Variants in EBF4 observed in about 807,000 individuals in gnomAD.
The protein encoded by EBF4 is EBF transcription factor 4.
In EBF4, 34 loss-of-function variants were observed where a neutral mutation model predicts 67.1. The observed-to-expected ratio is 0.51, with a 90% CI of 0.39 to 0.67. The LOEUF (loss-of-function observed/expected upper bound fraction) is 0.67. Ranked by LOEUF, EBF4 falls within the 30% of genes least tolerant of loss-of-function variation. The probability of loss-of-function intolerance (pLI) is 0.00; values close to 1 mark genes in which losing one functional copy is unlikely to be tolerated. For synonymous variants in EBF4, 387 were observed against 377.7 expected (o/e 1.02, Z -0.29); for missense variants, 837 against 873.3 (o/e 0.96, Z 0.52).
At chr20:2,748,471 G>C in intron 6 of EBF4, 78 bp from the exon 7 acceptor site, 4 of 1,362,146 alleles carry the variant, frequency 2.9e-6, no homozygotes, top group Non-Finnish European at 4.1e-6. Context: ...TGGGGAGGGG[G>C]CATGGCAGGG....
chr20:2,698,866 A>G (rs1458232170), intron 1 of EBF4, among the ~76,000 whole-genome samples: 3 of 152,024 alleles, frequency 2.0e-5, no homozygotes, highest in Admixed American at 6.5e-5. Context: ...TTTGGTGGGG[A>G]GAAGGGAAGG....
rs80323190 is a variant in EBF4 at position 2,707,787 on chromosome 20, C to T, written c.415-160C>T. ...GGTCCGGTTTGGGAGGAGGGGTTAT[C>T]CCCCGCCTGGGCAGCCCAGAGCAAG... On this transcript the variant is annotated intron_variant, in intron 4 of 16. Transcript: ENST00000609451. This position sits in a 1 kb window ranked among gnomAD's most constrained non-coding sequence, Gnocchi z 4.6. Among the ~76,000 whole-genome samples, 293 of 152,256 alleles carry T rather than the reference C, an allele frequency of 1.9e-3. No homozygotes were observed. Among genetic ancestry groups the T allele is most frequent in the Middle Eastern group, 6.8e-3 (2 of 294 alleles).
At chr20:2,718,976 T>C (rs1368125156) in intron 6 of EBF4, among the ~76,000 whole-genome samples, 2 of 152,260 alleles carry the variant, frequency 1.3e-5, no homozygotes, top group Non-Finnish European at 2.9e-5. Context: ...TTTTCATTTT[T>C]ATTCAGTTTA....
exon 3 of EBF4, chr20:2,705,985 G>C (rs188438092): frequency 1.3e-6 from 2 of 1,551,476 alleles, no homozygotes; most frequent in Admixed American, 3.9e-5. Flanking sequence ...AGCCCGGGGC[G>C]GAAAAGACTA....
intron 6 of EBF4, among the ~76,000 whole-genome samples, chr20:2,737,370 T>C (rs141446059): frequency 1.3e-5 from 2 of 152,062 alleles, no homozygotes; most frequent in East Asian, 1.9e-4. Flanking sequence ...CGCCTGCAAC[T>C]TGAATAATAA....
intron 6 of EBF4, among the ~76,000 whole-genome samples, chr20:2,737,587 C>T (rs1332369189): frequency 6.6e-6 from 1 of 152,054 alleles, no homozygotes; most frequent in Non-Finnish European, 1.5e-5. Context: ...GTGCCCAGCA[C>T]AGTGACTGCC....
intron 1 of EBF4, among the ~76,000 whole-genome samples, chr20:2,703,350 C>A (rs564478168): frequency 6.6e-6 from 1 of 151,508 alleles, no homozygotes; most frequent in South Asian, 2.1e-4. Flanking sequence ...GCAGGAGGAT[C>A]GCTTAAGTCT....
chr20:2,714,034 A>G (rs895174623), intron 6 of EBF4, among the ~76,000 whole-genome samples: 5 of 152,242 alleles, frequency 3.3e-5, no homozygotes, highest in African/African-American at 9.6e-5. Context: ...ATAATGATCC[A>G]GGAGTAAAGC....
rs1343009963 is a variant in EBF4 at position 2,750,026 on chromosome 20, C to T, written c.1018+53C>T. The T allele has an allele frequency of 1.3e-5, 19 of 1,502,384 alleles. No individual in the cohort carries two copies. The East Asian group carries it at 2.0e-4, about 16-fold the overall frequency. 93.1% of individuals were successfully genotyped at this position (1,502,384 alleles called of 1,614,324 possible). On this transcript the variant is annotated intron_variant, in intron 10 of 16. Coordinates refer to ENST00000609451, the Ensembl canonical transcript of EBF4. ...TCTAAGGTGCGCGGAGGGAGCCCCA[C>T]CCTGCGCACTGGTCTCCGTTCTTGG...
exon 13 of EBF4, chr20:2,752,211 C>T: frequency 7.1e-7 from 1 of 1,403,288 alleles, no homozygotes; most frequent in South Asian, 1.5e-5. Context: ...TCAACGCCTT[C>T]AGCAGCCCGC....
chr20:2,711,129 C>A (rs927010477), intron 6 of EBF4, among the ~76,000 whole-genome samples: 10 of 148,936 alleles, frequency 6.7e-5, no homozygotes, highest in Admixed American at 2.7e-4. Flanking sequence ...GTCTGGGCAA[C>A]AGAGTGAGAC....
intron 6 of EBF4, among the ~76,000 whole-genome samples, chr20:2,737,210 A>T (rs536999457): frequency 6.7e-6 from 1 of 148,290 alleles, no homozygotes; most frequent in East Asian, 2.0e-4. Flanking sequence ...AGATCGCGCC[A>T]CTGCACTCCA....
At chr20:2,697,552 A>AAAG (rs1555784816) in intron 1 of EBF4, among the ~76,000 whole-genome samples, 44 of 147,110 alleles carry the variant, frequency 3.0e-4, no homozygotes, top group Admixed American at 4.0e-4. Context: ...CTCAAAAAAA[A>AAAG]AAAGAAAGAA....
chr20:2,749,810 G>A (rs2088112603), intron 9 of EBF4, 37 bp from the exon 10 acceptor site: 9 of 1,541,882 alleles, frequency 5.8e-6, no homozygotes, highest in Non-Finnish European at 7.9e-6. Flanking sequence ...TCCCCTCGCC[G>A]GTGCGGGACC....
At chr20:2,712,040 T>TAGG (rs752910881) in intron 6 of EBF4, among the ~76,000 whole-genome samples, 5 of 151,838 alleles carry the variant, frequency 3.3e-5, no homozygotes, top group Non-Finnish European at 7.4e-5. Flanking sequence ...AGGAAGGTAG[T>TAGG]AGGAGGAAAT....
intron 1 of EBF4, among the ~76,000 whole-genome samples, chr20:2,697,678 A>G (rs1007260264): frequency 3.3e-5 from 5 of 152,058 alleles, no homozygotes; most frequent in Non-Finnish European, 5.9e-5. Context: ...CCTACCAGGG[A>G]AGTCTGCACA....
At chr20:2,738,140 T>C (rs2087916292) in intron 6 of EBF4, among the ~76,000 whole-genome samples, 1 of 152,066 alleles carries the variant, frequency 6.6e-6, no homozygotes, top group African/African-American at 2.4e-5. Flanking sequence ...CTTGGTGAAT[T>C]GTAGAAGATG....
At chr20:2,744,284 TG>T (rs1205654271) in intron 6 of EBF4, among the ~76,000 whole-genome samples, 1 of 151,774 alleles carries the variant, frequency 6.6e-6, no homozygotes, top group South Asian at 2.1e-4. Context: ...TAGCTCCCAC[TG>T]ACAAATATCA....
intron 1 of EBF4, among the ~76,000 whole-genome samples, chr20:2,700,388 C>A (rs986749528): frequency 1.8e-4 from 28 of 152,170 alleles, no homozygotes; most frequent in African/African-American, 9.7e-5. Context: ...TTCTCTCCCC[C>A]TTTCTTTCTT....
Sources: gnomAD v4.1 joint callset for allele counts (sites outside exome capture counted in the v4.1 genomes callset) on GRCh38, gnomAD v4.1.1 for gene constraint, Gnocchi (gnomAD v3.1) non-coding constraint, MANE v1.5 for transcripts, NCBI Gene and HGNC (gene_info 2026-07-23, HGNC 2026-07-21) for gene names.